The following SF3B3 variants were observed in gnomAD, a reference collection of about 807,000 sequenced individuals.
SF3B3 encodes the protein SAP 130.
A neutral mutation model predicts 139.2 loss-of-function variants in SF3B3; 33 were observed. That is an observed-to-expected ratio of 0.24 (90% CI 0.18 to 0.32). SF3B3 has a LOEUF of 0.32. Among genes scored for constraint, SF3B3 ranks in the 10% least tolerant of loss-of-function variants. The pLI, the probability that SF3B3 is intolerant of heterozygous loss-of-function variation, is 1.00. For synonymous variants in SF3B3, 596 were observed against 563.6 expected (o/e 1.06, Z -0.81); for missense variants, 818 against 1,509.4 (o/e 0.54, Z 7.59).
At chr16:70,560,092 A>G (rs1424854225) in intron 15 of SF3B3, among the ~76,000 whole-genome samples, 1 of 152,178 alleles carries the variant, frequency 6.6e-6, no homozygotes, top group African/African-American at 2.4e-5. Flanking sequence ...CAAACTAGTC[A>G]TTCCTTTTAG....
chr16:70,552,696 C>A, intron 11 of SF3B3, among the ~76,000 whole-genome samples: 1 of 152,160 alleles, frequency 6.6e-6, no homozygotes, highest in East Asian at 1.9e-4. Context: ...TGGGAAAGAT[C>A]TTTAATCCTT....
intron 11 of SF3B3, among the ~76,000 whole-genome samples, chr16:70,551,174 C>A (rs1331605986): frequency 6.6e-6 from 1 of 152,052 alleles, no homozygotes; most frequent in African/African-American, 2.4e-5. Context: ...TAAGGCAAGG[C>A]AAGTAGAAGA....
At chr16:70,555,792 C>T (rs1002245227) in intron 13 of SF3B3, among the ~76,000 whole-genome samples, 2 of 152,168 alleles carry the variant, frequency 1.3e-5, no homozygotes, top group African/African-American at 4.8e-5. Flanking sequence ...CTGCCTGTAC[C>T]TTTGGTTGAG....
In SF3B3 at chr16:70,570,445, C is replaced by G. The variant is rs766924451; in HGVS notation, c.3408+296C>G. Among the ~76,000 whole-genome samples, 5 of 151,592 alleles carry G rather than the reference C, an allele frequency of 3.3e-5. No individual in the cohort carries two copies. In the South Asian group the frequency reaches 1.0e-3, roughly 32 times the overall value. On this transcript the variant is annotated intron_variant, in intron 24 of 25. Transcript: ENST00000302516. ...TCCCAGGTTCACGCCATTCTCCTGC[C>G]TCAGCCTCCCAAGTAGCTGGGAATA...
Position 70,555,166 on chromosome 16 carries a change from C to A in SF3B3, c.1670C>A (p.Ala557Asp). The A allele has an allele frequency of 6.2e-7, 1 of 1,613,924 alleles. No homozygotes were observed. Among genetic ancestry groups the A allele is most frequent in the Non-Finnish European group, 8.5e-7 (1 of 1,179,870 alleles). ...GTGAACCAGCGACAAGTGGTGATTG[C>A]CCTGACAGGAGGAGAGCTGGTCTAT... ...CAVNQRQVVI[A>D]LTGGELVYFE... The change falls in exon 13 of 26, where the codon GCC becomes GAC. Residue 557 changes from alanine to aspartate, a missense_variant. Ala to Asp is a moderately radical substitution (Grantham distance 126). Transcript: ENST00000302516.
intron 13 of SF3B3, among the ~76,000 whole-genome samples, chr16:70,555,745 G>A (rs2050374478): frequency 6.6e-6 from 1 of 152,260 alleles, no homozygotes. Flanking sequence ...TAATTCTCTT[G>A]CTCTCAGGAG....
At position 70,523,858 on chromosome 16, in the gene SF3B3, G is replaced by A; in HGVS notation, c.-141G>A. 3.9e-6 allele frequency: 2 copies of A among 508,212 alleles called. No homozygotes were observed. Among genetic ancestry groups the A allele is most frequent in the Non-Finnish European group, 6.9e-6 (2 of 289,700 alleles). 31.5% of individuals were successfully genotyped at this position (508,212 alleles called of 1,614,324 possible). A position where few individuals can be genotyped will look rare whatever the true frequency, so the allele number is the denominator to read the frequency against. On this transcript the variant is annotated 5_prime_UTR_variant, in exon 1 of 26. Coordinates refer to ENST00000302516, the MANE Select transcript of SF3B3 (RefSeq NM_012426.5). Reference sequence around the variant, plus strand: ...TAATGGCGGACGCCAGTATGTTGGAGTTGGTGGTGGCTTAAGTTTTGAAGG... The same window carrying A: ...TAATGGCGGACGCCAGTATGTTGGAATTGGTGGTGGCTTAAGTTTTGAAGG...
chr16:70,523,878 T>G lies in SF3B3; in HGVS notation c.-121T>G. 2 of 489,624 alleles carry G rather than the reference T, an allele frequency of 4.1e-6. No homozygotes were observed. The highest frequency in any genetic ancestry group is 7.2e-6 in the Non-Finnish European group (2 of 278,932). The allele number at this position is 489,624 out of a possible 1,614,324, so 30.3% of individuals were successfully genotyped here. A position where few individuals can be genotyped will look rare whatever the true frequency, so the allele number is the denominator to read the frequency against. ...TTGGAGTTGGTGGTGGCTTAAGTTT[T>G]GAAGGGAGGTAGCATCCGTTGGATA... is the stretch of plus-strand genomic sequence containing the variant. On this transcript the variant is annotated 5_prime_UTR_variant, in exon 1 of 26. Coordinates refer to ENST00000302516, the MANE Select transcript of SF3B3 (RefSeq NM_012426.5).
intron 10 of SF3B3, 23 bp from the exon 11 acceptor site, chr16:70,548,347 T>G: frequency 6.2e-7 from 1 of 1,608,672 alleles, no homozygotes; most frequent in East Asian, 2.2e-5. Flanking sequence ...ACTGGATCTG[T>G]GGCTTCCCTC....
intron 21 of SF3B3, 142 bp from the exon 22 acceptor site, chr16:70,568,139 CCA>C: frequency 1.5e-6 from 1 of 669,122 alleles, no homozygotes; most frequent in Non-Finnish European, 2.7e-6. Context: ...CTCTTTTTTC[CCA>C]CCTAGAATTC....
chr16:70,562,954 GTACCTGGTGGGAC>G (rs1374443249), intron 17 of SF3B3, among the ~76,000 whole-genome samples: 2 of 151,910 alleles, frequency 1.3e-5, no homozygotes, highest in Non-Finnish European at 2.9e-5. Flanking sequence ...AACCTCCCAA[GTACCTGGTGGGAC>G]TGTAGGCGCA....
chr16:70,536,807 CTTT>C (rs34747226), intron 6 of SF3B3, among the ~76,000 whole-genome samples: 4 of 122,648 alleles, frequency 3.3e-5, no homozygotes, highest in Admixed American at 8.8e-5. Context: ...AATTTTCTTT[CTTT>C]TTTTTTTTTT....
intron 3 of SF3B3, 177 bp downstream of exon 3, chr16:70,529,376 G>T: frequency 1.7e-6 from 1 of 588,264 alleles, no homozygotes. Context: ...TTAAAACAAT[G>T]GGAAAAATCT....
chr16:70,527,857 C>A (rs144641278), intron 2 of SF3B3, among the ~76,000 whole-genome samples: 9 of 151,972 alleles, frequency 5.9e-5, no homozygotes. Flanking sequence ...CTCACTGCCA[C>A]CTCCGCCTCC....
At position 70,561,708 on chromosome 16, in the gene SF3B3, A is replaced by G. The variant is rs1193916249; in HGVS notation, c.2212A>G (p.Thr738Ala). 1.9e-6 allele frequency: 3 copies of G among 1,613,670 alleles called. No homozygotes were observed. Among genetic ancestry groups the G allele is most frequent in the Non-Finnish European group, 2.5e-6 (3 of 1,179,922 alleles). The change falls in exon 17 of 26, where the codon ACA (threonine) becomes GCA (alanine). Residue 738 changes from threonine (T) to alanine (A), a missense_variant. Physicochemically the swap from Thr to Ala is moderately conservative, Grantham distance 58. Coordinates refer to ENST00000302516, the MANE Select transcript of SF3B3 (RefSeq NM_012426.5). ...CCATCTCACCCCACTGTCTTACGAG[A>G]CACTGGAATTTGCATCGGGTTTTGC... The part of the protein sequence containing the change: ...RFHLTPLSYE[T>A]LEFASGFASE...
At chr16:70,524,502 G>GT (rs142474196) in intron 1 of SF3B3, 2,476 of 152,272 alleles carry the variant, frequency 0.016, 26 homozygotes, top group Non-Finnish European at 0.026. Context: ...CGTGGGGGAA[G>GT]TTTTTTTTGT....
In SF3B3 at chr16:70,555,477, CAAAA is replaced by C. The variant is rs33955800; in HGVS notation, c.1710+291_1710+294del. ...CTGGCGACAGAGCAAGACTCCGTCTCAAAAAAAAAAAAAAAAAAAAAAAGCGAGC... is the reference window on the plus strand; with the variant it reads ...CTGGCGACAGAGCAAGACTCCGTCTCAAAAAAAAAAAAAAAAAAAGCGAGC... On this transcript the variant is annotated intron_variant, in intron 13 of 25. Coordinates refer to ENST00000302516, the MANE Select transcript of SF3B3 (RefSeq NM_012426.5). 5.5e-4 allele frequency among the ~76,000 whole-genome samples: 40 copies of C among 73,104 alleles called. 1 individual carries two copies. The highest frequency in any genetic ancestry group is 1.3e-3 in the Admixed American group (8 of 6,056). 48.0% of individuals were successfully genotyped at this position (73,104 alleles called of 152,430 possible).
intron 11 of SF3B3, among the ~76,000 whole-genome samples, chr16:70,548,693 T>C (rs558709255): frequency 2.0e-5 from 3 of 152,226 alleles, no homozygotes; most frequent in Non-Finnish European, 4.4e-5. Context: ...TTCAGAATCA[T>C]AGAGCTGTCA....
chr16:70,571,787 G>T lies in SF3B3; in HGVS notation c.3628G>T (p.Asp1210Tyr), dbSNP rs780059126. 1 of 1,614,014 alleles carries T rather than the reference G, an allele frequency of 6.2e-7. No individual in the cohort carries two copies. Among genetic ancestry groups the T allele is most frequent in the Non-Finnish European group, 8.5e-7 (1 of 1,179,990 alleles). The part of the protein sequence containing the change: ...TPPEVSKKLE[D>Y]IRTRYAF ...ACCCGAAGTGTCCAAGAAACTCGAG[G>T]ATATCCGGACCCGCTACGCCTTCTG... The change falls in exon 26 of 26, where the codon GAT (aspartate) becomes TAT (tyrosine). Residue 1210 changes from aspartate to tyrosine, a missense_variant. Asp to Tyr is a radical substitution (Grantham distance 160). Around this residue, in one of 14 missense-constraint regions of SF3B3, gnomAD observed 28 missense variants for 59.1 expected, o/e 0.47. Coordinates refer to ENST00000302516, the MANE Select transcript of SF3B3 (RefSeq NM_012426.5).
Sources: gnomAD v4.1 joint callset for allele counts (sites outside exome capture counted in the v4.1 genomes callset) on GRCh38, gnomAD v4.1.1 for gene constraint, gnomAD v4.1.1 regional missense constraint, MANE v1.5 for transcripts, NCBI Gene and HGNC (gene_info 2026-07-23, HGNC 2026-07-21) for gene names.